Variants in PVT1 observed in about 807,000 individuals in gnomAD.
The protein encoded by PVT1 is CXCR4/PVT1 fusion.
chr8:127,892,677 G>C (rs764357983), intron 3 of PVT1, among the ~76,000 whole-genome samples: 20 of 152,236 alleles, frequency 1.3e-4, no homozygotes, highest in South Asian at 6.2e-4. Flanking sequence ...TTTTCCTTGC[G>C]GTCTTGGGAA....
intron 4 of PVT1, among the ~76,000 whole-genome samples, chr8:128,065,157 G>C (rs1813888384): frequency 6.6e-6 from 1 of 152,086 alleles, no homozygotes; most frequent in Non-Finnish European, 1.5e-5. Flanking sequence ...GTGTGCAAGG[G>C]CTGGTTACAT....
In PVT1 at chr8:128,035,041, C is replaced by G. The variant is rs538285426; in HGVS notation, n.913-35119C>G. On this transcript the variant is annotated intron_variant and non_coding_transcript_variant, in intron 4 of 10. Coordinates refer to ENST00000651587, the Ensembl canonical transcript of PVT1. ...TGAAAAGCAACTGTTCATAGTATCACAAGGCAGGCAGGGGTAGGGGGCAAT... is the reference window on the plus strand; with the variant it reads ...TGAAAAGCAACTGTTCATAGTATCAGAAGGCAGGCAGGGGTAGGGGGCAAT... 3.3e-5 allele frequency among the ~76,000 whole-genome samples: 5 copies of G among 152,338 alleles called. No homozygotes were observed. The South Asian group carries it at 8.3e-4, about 25-fold the overall frequency.
intron 3 of PVT1, among the ~76,000 whole-genome samples, chr8:127,971,123 C>T (rs570647480): frequency 1.3e-5 from 2 of 152,348 alleles, no homozygotes; most frequent in East Asian, 1.9e-4. Context: ...TTGCCAGCCC[C>T]GGTTCTAAAC....
At chr8:127,954,115 G>C (rs1313424541) in intron 3 of PVT1, among the ~76,000 whole-genome samples, 1 of 152,122 alleles carries the variant, frequency 6.6e-6, no homozygotes, top group Non-Finnish European at 1.5e-5. Flanking sequence ...GCCTTTGAGG[G>C]TGAAGTTGAC....
At chr8:128,035,247 C>T (rs191611030) in intron 4 of PVT1, among the ~76,000 whole-genome samples, 1 of 152,242 alleles carries the variant, frequency 6.6e-6, no homozygotes, top group African/African-American at 2.4e-5. Flanking sequence ...TGTGGGCCTG[C>T]TATTTAGGCT....
At chr8:128,091,024 T>C (rs1486058378) in intron 5 of PVT1, among the ~76,000 whole-genome samples, 1 of 152,176 alleles carries the variant, frequency 6.6e-6, no homozygotes, top group Admixed American at 6.5e-5. Context: ...TTTTTTCACC[T>C]TTCCCACAGA....
At chr8:127,978,131 C>A (rs1816841799) in intron 3 of PVT1, among the ~76,000 whole-genome samples, 1 of 149,828 alleles carries the variant, frequency 6.7e-6, no homozygotes. Context: ...ACAGGAAGTT[C>A]TCCATGAGTA....
At chr8:127,934,914 G>A (rs1192243275) in intron 3 of PVT1, among the ~76,000 whole-genome samples, 1 of 152,148 alleles carries the variant, frequency 6.6e-6, no homozygotes, top group African/African-American at 2.4e-5. Context: ...GGGGAGTTCT[G>A]TTTGGTTTTA....
intron 3 of PVT1, among the ~76,000 whole-genome samples, chr8:127,958,524 C>T (rs1486002694): frequency 6.6e-6 from 1 of 152,242 alleles, no homozygotes; most frequent in African/African-American, 2.4e-5. Flanking sequence ...CAGGCATGAG[C>T]CACCATGCCC....
At chr8:127,935,984 G>A (rs1816267839) in intron 3 of PVT1, among the ~76,000 whole-genome samples, 2 of 151,296 alleles carry the variant, frequency 1.3e-5, no homozygotes, top group South Asian at 2.1e-4. Context: ...TTTGAATGAG[G>A]AATGGTCTTG....
chr8:127,924,721 C>T (rs1002079876), intron 3 of PVT1, among the ~76,000 whole-genome samples: 7 of 152,180 alleles, frequency 4.6e-5, no homozygotes, highest in Admixed American at 1.3e-4. Flanking sequence ...CCGTGTTAGC[C>T]AGGATGGTCT....
chr8:127,903,985 A>G (rs1420734898), intron 3 of PVT1, among the ~76,000 whole-genome samples: 1 of 152,252 alleles, frequency 6.6e-6, no homozygotes. Flanking sequence ...GTTTGAAAGA[A>G]ATAACATTGA....
At chr8:127,999,989 C>T (rs1263511685) in intron 4 of PVT1, among the ~76,000 whole-genome samples, 2 of 152,206 alleles carry the variant, frequency 1.3e-5, no homozygotes, top group East Asian at 3.9e-4. Context: ...CAAACCGGGA[C>T]TCTGTGTTAT....
At chr8:127,939,114 A>G (rs1816312822) in intron 3 of PVT1, among the ~76,000 whole-genome samples, 1 of 152,226 alleles carries the variant, frequency 6.6e-6, no homozygotes, top group Non-Finnish European at 1.5e-5. Context: ...AAGGCTTTGC[A>G]GTTATGGAGG....
chr8:127,826,626 C>T (rs1814791331), intron 2 of PVT1, among the ~76,000 whole-genome samples: 3 of 152,152 alleles, frequency 2.0e-5, no homozygotes, highest in Admixed American at 2.0e-4. Context: ...TACATATACA[C>T]ACAAGCATAT....
chr8:127,939,528 C>G (rs1816322646), intron 3 of PVT1: 1 of 152,400 alleles, frequency 6.6e-6, no homozygotes, highest in Non-Finnish European at 1.5e-5. Context: ...TCCCTGGAGC[C>G]TTCTCCCGAG....
At chr8:128,011,743 A>G (rs906866912) in intron 4 of PVT1, among the ~76,000 whole-genome samples, 1 of 152,192 alleles carries the variant, frequency 6.6e-6, no homozygotes, top group Non-Finnish European at 1.5e-5. Context: ...GTGATATTCA[A>G]TTAGTGAAAG....
At position 127,994,829 on chromosome 8, in the gene PVT1, A is replaced by T. The variant is rs1029819328; in HGVS notation, n.912+5538A>T. On this transcript the variant is annotated intron_variant and non_coding_transcript_variant, in intron 4 of 10. Coordinates refer to ENST00000651587, the Ensembl canonical transcript of PVT1. ...AGGAGAAGATCGATGTCCCAGAACA[A>T]GCAATCAGGCAGAGATGAAATTCAA... Among the ~76,000 whole-genome samples the T allele has an allele frequency of 2.6e-5, 4 of 152,338 alleles. No individual in the cohort carries two copies. The East Asian group carries it at 7.7e-4, about 29-fold the overall frequency.
intron 4 of PVT1, among the ~76,000 whole-genome samples, chr8:128,034,414 C>G (rs1333743436): frequency 7.2e-5 from 11 of 152,218 alleles, no homozygotes. Flanking sequence ...GAGTTGCTGA[C>G]TTTCCATTTT....
Sources: gnomAD v4.1 joint callset for allele counts (sites outside exome capture counted in the v4.1 genomes callset) on GRCh38, gnomAD v4.1.1 for gene constraint, MANE v1.5 for transcripts, NCBI Gene and HGNC (gene_info 2026-07-23, HGNC 2026-07-21) for gene names.